Variants in GRIA1 observed in about 807,000 individuals in gnomAD.
The protein encoded by GRIA1 is glutamate ionotropic receptor AMPA type subunit 1, also known as glutamate receptor 1.
Under a neutral mutation model 99.2 loss-of-function variants are expected in GRIA1, and 31 were observed. The ratio of observed to expected loss-of-function variants is 0.31; its 90% confidence interval spans 0.23 to 0.42. The LOEUF is 0.42. Among genes scored for constraint, GRIA1 ranks in the 10% least tolerant of loss-of-function variants. GRIA1 has a pLI of 1.00. For missense variants in GRIA1, 782 were observed against 1,157.5 expected (o/e 0.68, Z 4.71); for synonymous variants, 438 against 432.4 (o/e 1.01, Z -0.16).
intron 2 of GRIA1, among the ~76,000 whole-genome samples, chr5:153,502,088 C>G (rs747025362): frequency 6.6e-6 from 1 of 152,216 alleles, no homozygotes; most frequent in Non-Finnish European, 1.5e-5. Flanking sequence ...ACCTTCTTCA[C>G]TGAGCCTTTT....
At chr5:153,707,634 C>T (rs185952769) in intron 11 of GRIA1, among the ~76,000 whole-genome samples, 345 of 152,262 alleles carry the variant, frequency 2.3e-3, no homozygotes, top group Non-Finnish European at 3.2e-3. Context: ...TAGACATGTG[C>T]TGGAGGCATC....
chr5:153,539,580 T>C (rs1055482660), intron 2 of GRIA1, among the ~76,000 whole-genome samples: 1 of 152,238 alleles, frequency 6.6e-6, no homozygotes, highest in Non-Finnish European at 1.5e-5. Context: ...CCTCAATTTG[T>C]ACATATGTAG....
intron 7 of GRIA1, among the ~76,000 whole-genome samples, chr5:153,677,571 A>G (rs1756680562): frequency 6.6e-6 from 1 of 152,128 alleles, no homozygotes; most frequent in Non-Finnish European, 1.5e-5. Context: ...GGGTATGTGG[A>G]CCCTAAAAAT....
chr5:153,762,085 G>A (rs552391158), intron 11 of GRIA1, among the ~76,000 whole-genome samples: 1 of 152,284 alleles, frequency 6.6e-6, no homozygotes, highest in African/African-American at 2.4e-5. Flanking sequence ...GAAGGAATAA[G>A]TTCTTGTGTT....
chr5:153,530,398 C>T (rs1404290435), intron 2 of GRIA1, among the ~76,000 whole-genome samples: 2 of 152,216 alleles, frequency 1.3e-5, no homozygotes, highest in Non-Finnish European at 2.9e-5. Flanking sequence ...AGCGGATCAC[C>T]AAGGAGTCTA....
chr5:153,615,640 C>T (rs1481960895), intron 2 of GRIA1, among the ~76,000 whole-genome samples: 1 of 152,058 alleles, frequency 6.6e-6, no homozygotes, highest in Non-Finnish European at 1.5e-5. Flanking sequence ...CAAGATCCTG[C>T]CTATTAAAAA....
chr5:153,632,353 A>T (rs1753041380), intron 2 of GRIA1, among the ~76,000 whole-genome samples: 1 of 152,210 alleles, frequency 6.6e-6, no homozygotes, highest in South Asian at 2.1e-4. Flanking sequence ...TTCTTTAGTC[A>T]ATCTGCATGA....
chr5:153,690,651 C>G (rs1757677829), intron 8 of GRIA1, among the ~76,000 whole-genome samples: 1 of 152,168 alleles, frequency 6.6e-6, no homozygotes, highest in Non-Finnish European at 1.5e-5. Flanking sequence ...TTGGGGGAGT[C>G]AGGCTGTGTA....
intron 2 of GRIA1, among the ~76,000 whole-genome samples, chr5:153,524,584 G>A (rs529580894): frequency 1.7e-4 from 26 of 152,094 alleles, no homozygotes; most frequent in Non-Finnish European, 3.7e-4. Context: ...AAAAATCAAT[G>A]CATTAGAATT....
chr5:153,751,134 G>T (rs1316301722), intron 11 of GRIA1, among the ~76,000 whole-genome samples: 2 of 152,170 alleles, frequency 1.3e-5, no homozygotes, highest in Non-Finnish European at 2.9e-5. Flanking sequence ...ACAAAGAGAT[G>T]TAGCGATTTG....
chr5:153,570,350 C>A (rs1162808828), intron 2 of GRIA1, among the ~76,000 whole-genome samples: 1 of 152,194 alleles, frequency 6.6e-6, no homozygotes. Context: ...GTATGTCCTA[C>A]AAGAAGTCTC....
chr5:153,677,724 G>A (rs1435207869), intron 7 of GRIA1, among the ~76,000 whole-genome samples: 1 of 152,206 alleles, frequency 6.6e-6, no homozygotes, highest in Non-Finnish European at 1.5e-5. Context: ...AGCTTCTGAG[G>A]CTGAATCCAG....
chr5:153,505,266 T>G lies in GRIA1; in HGVS notation c.220+11201T>G, dbSNP rs370846065. On this transcript the variant is annotated intron_variant, in intron 2 of 15. Coordinates refer to ENST00000285900, the MANE Select transcript of GRIA1 (RefSeq NM_000827.4). ...CAACTGATTTGGGGGAAGGTGCACTTGTTTATTCAATAATTGATATTTGTG... is the reference window on the plus strand; with the variant it reads ...CAACTGATTTGGGGGAAGGTGCACTGGTTTATTCAATAATTGATATTTGTG... Among the ~76,000 whole-genome samples, 59 of 152,340 alleles carry G rather than the reference T, an allele frequency of 3.9e-4. 3 individuals carry two copies. The South Asian group carries it at 0.011, about 28-fold the overall frequency.
chr5:153,500,467 G>A (rs914991093), intron 2 of GRIA1, among the ~76,000 whole-genome samples: 2 of 152,034 alleles, frequency 1.3e-5, no homozygotes, highest in African/African-American at 4.8e-5. Flanking sequence ...ACAAGGCATT[G>A]CACTAGAAAT....
chr5:153,606,846 A>G (rs906950289), intron 2 of GRIA1, among the ~76,000 whole-genome samples: 5 of 149,778 alleles, frequency 3.3e-5, no homozygotes, highest in Non-Finnish European at 7.4e-5. Flanking sequence ...CTTGACCATA[A>G]TATCTCCTTA....
At chr5:153,806,423 A>G (rs1297121950) in intron 15 of GRIA1, among the ~76,000 whole-genome samples, 1 of 151,940 alleles carries the variant, frequency 6.6e-6, no homozygotes, top group African/African-American at 2.4e-5. Context: ...GTGCCACTAC[A>G]CCTGGCTAAT....
rs1486396193 is a variant in GRIA1, at chr5:153,705,880, G to T, written c.1636G>T (p.Ala546Ser). 4 of 1,613,718 alleles carry T rather than the reference G, an allele frequency of 2.5e-6. No individual in the cohort carries two copies. Among genetic ancestry groups the T allele is most frequent in the Non-Finnish European group, 3.4e-6 (4 of 1,179,928 alleles). ...AYEIWMCIVF[A>S]YIGVSVVLFL... ...TGAGATTTGGATGTGCATTGTTTTT[G>T]CCTACATTGGAGTGAGTGTTGTCCT... The change falls in exon 11 of 16, where the codon GCC (alanine) becomes TCC (serine). Residue 546 changes from alanine (A) to serine (S), a missense_variant. Physicochemically the swap from Ala to Ser is moderately conservative, Grantham distance 99. This residue lies in a region of GRIA1 where 87 missense variants were observed against 184.5 expected (regional missense o/e 0.47). Coordinates refer to ENST00000285900, the MANE Select transcript of GRIA1 (RefSeq NM_000827.4).
chr5:153,622,355 C>T (rs1767134340), intron 2 of GRIA1, among the ~76,000 whole-genome samples: 1 of 152,150 alleles, frequency 6.6e-6, no homozygotes, highest in East Asian at 1.9e-4. Context: ...CTCTGAAGGG[C>T]TGATGTTAGA....
intron 2 of GRIA1, among the ~76,000 whole-genome samples, chr5:153,534,622 G>A (rs1443902716): frequency 2.0e-5 from 3 of 152,230 alleles, no homozygotes; most frequent in Non-Finnish European, 4.4e-5. Context: ...CAGAAAGACA[G>A]TATCACGTTG....
Sources: gnomAD v4.1 joint callset for allele counts (sites outside exome capture counted in the v4.1 genomes callset) on GRCh38, gnomAD v4.1.1 for gene constraint, gnomAD v4.1.1 regional missense constraint, MANE v1.5 for transcripts, NCBI Gene and HGNC (gene_info 2026-07-23, HGNC 2026-07-21) for gene names.